DOK3: variants seen among roughly 807,000 people sequenced by gnomAD.
DOK3 encodes the protein Dok-like protein.
Under a neutral mutation model 26.2 loss-of-function variants are expected in DOK3, and 23 were observed. The ratio of observed to expected loss-of-function variants is 0.88; its 90% confidence interval spans 0.63 to 1.24. DOK3 has a LOEUF of 1.24. Ranked by LOEUF, DOK3 falls within the 50% of genes most tolerant of loss-of-function variation. The pLI, the probability that DOK3 is intolerant of heterozygous loss-of-function variation, is 0.00. For synonymous variants in DOK3, 268 were observed against 268.2 expected, an observed-to-expected ratio of 1.00 and a Z score of 0.01; for missense variants, 619 against 610.6, an observed-to-expected ratio of 1.01 and a Z score of -0.15.
rs1760687802 is a variant in DOK3 at position 177,509,475 on chromosome 5, C to G, written c.66G>C (p.Lys22Asn). The change falls in exon 2 of 6, where the codon AAG (lysine) becomes AAC (asparagine). Residue 22 changes from lysine to asparagine, a missense_variant and splice_region_variant. Coordinates refer to ENST00000510898, the MANE Select transcript of DOK3 (RefSeq NM_001308236.3). ...ILYQQHVKFG[K>N]KCWRKVWALL... ...CTGCCTGGCAGCCAGGGGTCCCCAC[C>G]TTGCCAAACTTGACATGCTGCTGGT... 2 of 1,607,478 alleles carry G rather than the reference C, an allele frequency of 1.2e-6. No individual in the cohort carries two copies. The highest frequency in any genetic ancestry group is 2.7e-5 in the African/African-American group (2 of 74,910).
upstream of DOK3, chr5:177,510,931 T>G (rs1228331734): frequency 1.3e-5 from 2 of 152,234 alleles, no homozygotes; most frequent in Non-Finnish European, 2.9e-5. Flanking sequence ...TCTCACCAGA[T>G]GCTGAGATCC....
intron 3 of DOK3, 56 bp downstream of exon 3, chr5:177,508,181 G>A: frequency 7.0e-7 from 1 of 1,420,612 alleles, no homozygotes. Context: ...GCGTGGAGGT[G>A]GACAAGTCGG....
Position 177,509,522 on chromosome 5 carries a change from G to C in DOK3, c.19C>G (p.Pro7Ala). Residue 7 changes from proline to alanine, a missense_variant, in exon 2 of 6, where the codon CCT becomes GCT. Physicochemically the swap from Pro to Ala is conservative, Grantham distance 27. Transcript: ENST00000510898. Reference protein sequence around the residue: MDPLETPIKDGILYQQH... With the variant: MDPLETAIKDGILYQQH... ...TGGTAGAGGATGCCATCCTTGATAG[G>C]GGTCTCCAGAGGGTCCATGGTCACG... 1.2e-6 allele frequency: 2 copies of C among 1,610,792 alleles called. No homozygotes were observed. Among genetic ancestry groups the C allele is most frequent in the Non-Finnish European group, 1.7e-6 (2 of 1,178,484 alleles).
rs61737775 is a variant in DOK3 at position 177,504,511 on chromosome 5, C to A, written c.795G>T (p.Gln265His). The A allele has an allele frequency of 6.3e-7, 1 of 1,588,982 alleles. No homozygotes were observed. The highest frequency in any genetic ancestry group is 8.5e-7 in the Non-Finnish European group (1 of 1,171,012). The stretch of plus-strand genomic sequence containing the variant: ...AGGTGGCCCGTGGCAGGGGGCAGGG[C>A]TGGGGCCTGGTCAGCTCTGGCAGCC... ...RERLPELTRP[Q>H]PCPLPRATSL... The change falls in exon 6 of 6, where the codon CAG becomes CAT. Residue 265 changes from glutamine to histidine, a missense_variant. Physicochemically the swap from Gln to His is conservative, Grantham distance 24 (BLOSUM62 0). Transcript: ENST00000510898.
Position 177,503,774 on chromosome 5 carries a change from C to G in DOK3, c.*209G>C. On this transcript the variant is annotated 3_prime_UTR_variant, in exon 6 of 6. Transcript: ENST00000510898. ...GTGCCGTGAGTGCCCCTGCCGGGAG[C>G]TGCTCTGAGCTTTATTATCTGTGAG... 1.4e-6 allele frequency: 2 copies of G among 1,420,318 alleles called. No individual in the cohort carries two copies. Among genetic ancestry groups the G allele is most frequent in the Non-Finnish European group, 9.2e-7 (1 of 1,092,560 alleles). The allele number at this position is 1,420,318 out of a possible 1,614,324, so 88.0% of individuals were successfully genotyped here.
intron 3 of DOK3, among the ~76,000 whole-genome samples, 170 bp from the exon 4 acceptor site, chr5:177,505,280 C>T (rs1261823862): frequency 1.3e-5 from 2 of 152,172 alleles, no homozygotes; most frequent in Non-Finnish European, 2.9e-5. Context: ...AGCCTGTTCT[C>T]CCACCTGGCT....
At chr5:177,509,184 T>G (rs1760647980) in intron 2 of DOK3, 1 of 367,206 alleles carries the variant, frequency 2.7e-6, no homozygotes, top group African/African-American at 2.1e-5. Context: ...ATTTCATGGG[T>G]CAGAGGCTGT....
rs1759485765 is a variant in DOK3, at chr5:177,502,845, G to A, written c.*1138C>T. The A allele has an allele frequency of 6.9e-6, 4 of 576,712 alleles. No individual in the cohort carries two copies. Among genetic ancestry groups the A allele is most frequent in the East Asian group, 2.8e-5 (1 of 35,232 alleles). 35.7% of individuals were successfully genotyped at this position (576,712 alleles called of 1,614,324 possible). Reference sequence around the variant, plus strand: ...GTAAGATGAAACGAGAGAGAACAGGGGGAAGGGACTATGGAGAACAAAGAG... The same window carrying A: ...GTAAGATGAAACGAGAGAGAACAGGAGGAAGGGACTATGGAGAACAAAGAG... On this transcript the variant is annotated 3_prime_UTR_variant, in exon 6 of 6. Coordinates refer to ENST00000510898, the MANE Select transcript of DOK3 (RefSeq NM_001308236.3).
Position 177,502,831 on chromosome 5 carries a change from CG to C in DOK3, c.*1151del. ...ACTTTGCCAGACCAGTAAGATGAAA[CG>C]AGAGAGAACAGGGGGAAGGGACTAT... On this transcript the variant is annotated 3_prime_UTR_variant, in exon 6 of 6. Coordinates refer to ENST00000510898, the MANE Select transcript of DOK3 (RefSeq NM_001308236.3). 1 of 547,098 alleles carries C rather than the reference CG, an allele frequency of 1.8e-6. No homozygotes were observed. The highest frequency in any genetic ancestry group is 4.8e-4 in the Middle Eastern group (1 of 2,096). 33.9% of individuals were successfully genotyped at this position (547,098 alleles called of 1,614,324 possible).
chr5:177,506,709 A>T (rs1488991122), intron 3 of DOK3, among the ~76,000 whole-genome samples: 2 of 89,706 alleles, frequency 2.2e-5, no homozygotes, highest in African/African-American at 4.4e-5. Context: ...TTTTTTTGAG[A>T]CGGAGTTTTG....
At position 177,504,826 on chromosome 5, in the gene DOK3, C is replaced by T. The variant is rs376073825; in HGVS notation, c.562G>A (p.Ala188Thr). 32 of 1,613,432 alleles carry T rather than the reference C, an allele frequency of 2.0e-5. No individual in the cohort carries two copies. The African/African-American group carries it at 2.1e-4, about 11-fold the overall frequency. ...GPALLVLGPD[A>T]IQLREAKGTQ... ...CCCTTGGCCTCCCTCAGCTGGATGG[C>T]GTCTGGGCCCAGCACCAGCAGGGCC... The change falls in exon 5 of 6, where the codon GCC (alanine) becomes ACC (threonine). Residue 188 changes from alanine to threonine, a missense_variant. By Grantham distance (58) the Ala-to-Thr change is moderately conservative. Transcript: ENST00000510898.
In DOK3 at chr5:177,503,444, C is replaced by T; in HGVS notation, c.*539G>A. On this transcript the variant is annotated 3_prime_UTR_variant, in exon 6 of 6. Transcript: ENST00000510898. ...GAACAAGTGTTTTGGACGAGGGTGTCTCTGAAATCCCTTCCACCTGCACCC... is the reference window on the plus strand; with the variant it reads ...GAACAAGTGTTTTGGACGAGGGTGTTTCTGAAATCCCTTCCACCTGCACCC... 1 of 1,490,670 alleles carries T rather than the reference C, an allele frequency of 6.7e-7. No individual in the cohort carries two copies. 92.3% of individuals were successfully genotyped at this position (1,490,670 alleles called of 1,614,324 possible). A position where few individuals can be genotyped will look rare whatever the true frequency, so the allele number is the denominator to read the frequency against.
Position 177,503,970 on chromosome 5 carries a change from C to T in DOK3, c.*13G>A. On this transcript the variant is annotated 3_prime_UTR_variant, in exon 6 of 6. Coordinates refer to ENST00000510898, the MANE Select transcript of DOK3 (RefSeq NM_001308236.3). Reference sequence around the variant, plus strand: ...GAGCACCTCTCCCCTCTGGCCACCACTCTGCTGGGCGTTCAGGGCCGGTCA... The same window carrying T: ...GAGCACCTCTCCCCTCTGGCCACCATTCTGCTGGGCGTTCAGGGCCGGTCA... The T allele has an allele frequency of 6.5e-7, 1 of 1,530,502 alleles. No homozygotes were observed. 94.8% of individuals were successfully genotyped at this position (1,530,502 alleles called of 1,614,324 possible).
rs1760690941 is a variant in DOK3 at position 177,509,490 on chromosome 5, A to G, written c.51T>C (p.His17=). ...PIKDGILYQQ[H]VKFGKKCWRK... is the part of the protein sequence containing the mutation. ...GGGTCCCCACCTTGCCAAACTTGAC[A>G]TGCTGCTGGTAGAGGATGCCATCCT... The change falls in exon 2 of 6, where the codon CAT becomes CAC. Residue 17 remains histidine (H), a synonymous_variant. Coordinates refer to ENST00000510898, the MANE Select transcript of DOK3 (RefSeq NM_001308236.3). 1 of 1,609,532 alleles carries G rather than the reference A, an allele frequency of 6.2e-7. No individual in the cohort carries two copies. The highest frequency in any genetic ancestry group is 1.1e-5 in the South Asian group (1 of 90,620).
In DOK3 at chr5:177,504,035, G is replaced by A. The variant is rs1460355322; in HGVS notation, c.1271C>T (p.Thr424Ile). The A allele has an allele frequency of 4.4e-6, 7 of 1,590,272 alleles. No individual in the cohort carries two copies. The highest frequency in any genetic ancestry group is 1.8e-5 in the Admixed American group (1 of 56,676). Residue 424 changes from threonine (T) to isoleucine (I), a missense_variant, in exon 6 of 6, where the codon ACC (threonine) becomes ATC (isoleucine). By Grantham distance (89) the Thr-to-Ile change is moderately conservative. Coordinates refer to ENST00000510898, the MANE Select transcript of DOK3 (RefSeq NM_001308236.3). ...CTTCCTCCGCTCACGACTCAGCAGG[G>A]TCACCAGCTTGGCCTTGAAACCTGC... ...PQAGFKAKLV[T>I]LLSRERRKGP...
chr5:177,505,212 G>T, intron 3 of DOK3, 102 bp from the exon 4 acceptor site: 1 of 1,093,254 alleles, frequency 9.1e-7, no homozygotes, highest in Non-Finnish European at 1.3e-6. Flanking sequence ...GCATCCAGGG[G>T]CCTGGGCTCC....
chr5:177,510,188 A>G, upstream of DOK3: 1 of 459,030 alleles, frequency 2.2e-6, no homozygotes, highest in Non-Finnish European at 4.0e-6. Flanking sequence ...CAGGCTCCTC[A>G]GCCCAACACT....
At position 177,502,935 on chromosome 5, in the gene DOK3, G is replaced by C. The variant is rs1329830613; in HGVS notation, c.*1048C>G. The C allele has an allele frequency of 2.0e-6, 2 of 981,210 alleles. No homozygotes were observed. The highest frequency in any genetic ancestry group is 5.3e-5 in the East Asian group (2 of 37,758). The allele number at this position is 981,210 out of a possible 1,614,324, so 60.8% of individuals were successfully genotyped here. A position where few individuals can be genotyped will look rare whatever the true frequency, so the allele number is the denominator to read the frequency against. On this transcript the variant is annotated 3_prime_UTR_variant, in exon 6 of 6. Transcript: ENST00000510898. ...CCCTGCAGGTCGACATGCCTAGGCAGGGGCGGTACTGGCCGCACTAAAGGA... is the reference window on the plus strand; with the variant it reads ...CCCTGCAGGTCGACATGCCTAGGCACGGGCGGTACTGGCCGCACTAAAGGA...
In DOK3 at chr5:177,508,461, C is replaced by T. The variant is rs369375986; in HGVS notation, c.148G>A (p.Asp50Asn). 5.8e-4 allele frequency: 931 copies of T among 1,591,864 alleles called. 3 individuals carry two copies. Among genetic ancestry groups the T allele is most frequent in the Non-Finnish European group, 7.0e-4 (816 of 1,170,520 alleles). ...VARLESWEVR[D>N]GGLGAAGDRS... ...TCACCCGCTGCTCCCAGGCCACCAT[C>T]CCGGACCTCCCAGCTCTCCAGCCGT... Residue 50 changes from aspartate (D) to asparagine (N), a missense_variant, in exon 3 of 6, where the codon GAT becomes AAT. By Grantham distance (23) the Asp-to-Asn change is conservative (BLOSUM62 1). Coordinates refer to ENST00000510898, the MANE Select transcript of DOK3 (RefSeq NM_001308236.3).
Sources: allele counts gnomAD v4.1 joint callset (sites outside exome capture counted in the v4.1 genomes callset), GRCh38; gene constraint gnomAD v4.1.1; transcripts MANE v1.5; gene names NCBI Gene and HGNC (gene_info 2026-07-23, HGNC 2026-07-21).